The following ADGRA3 variants were observed in gnomAD, a reference collection of about 807,000 sequenced individuals.
ADGRA3 encodes G-protein coupled receptor 125.
A neutral mutation model predicts 119.8 loss-of-function variants in ADGRA3; 56 were observed. The observed-to-expected ratio is 0.47, with a 90% confidence interval of 0.38 to 0.58. The LOEUF is 0.58. ADGRA3 is among the 20% of genes least tolerant of loss of function. ADGRA3 has a pLI of 0.00. For synonymous variants in ADGRA3, 607 were observed against 623.8 expected (o/e 0.97, Z 0.40); for missense variants, 1,516 against 1,649.0 (o/e 0.92, Z 1.40).
At chr4:22,475,643 C>A (rs1437445285) in intron 1 of ADGRA3, among the ~76,000 whole-genome samples, 1 of 151,834 alleles carries the variant, frequency 6.6e-6, no homozygotes, top group Non-Finnish European at 1.5e-5. Context: ...AGGAGAATGG[C>A]GTGAACCCAG....
At chr4:22,469,244 T>C (rs562018710) in intron 2 of ADGRA3, among the ~76,000 whole-genome samples, 62 of 152,272 alleles carry the variant, frequency 4.1e-4, no homozygotes, top group Non-Finnish European at 7.8e-4. Flanking sequence ...TTGGTTTTGC[T>C]CCATGGCACT....
chr4:22,431,515 G>T (rs1484479676), intron 10 of ADGRA3, among the ~76,000 whole-genome samples: 1 of 152,190 alleles, frequency 6.6e-6, no homozygotes, highest in Non-Finnish European at 1.5e-5. Flanking sequence ...CTCCGCTGTT[G>T]TGTGAATAAG....
At chr4:22,444,779 A>C (rs1716765518) in intron 6 of ADGRA3, among the ~76,000 whole-genome samples, 194 bp downstream of exon 6, 1 of 151,646 alleles carries the variant, frequency 6.6e-6, no homozygotes, top group Non-Finnish European at 1.5e-5. Flanking sequence ...CTTAAAGACA[A>C]CTGAAAAAAA....
At chr4:22,513,020 G>A (rs755815443) in intron 1 of ADGRA3, among the ~76,000 whole-genome samples, 18 of 152,150 alleles carry the variant, frequency 1.2e-4, no homozygotes, top group Non-Finnish European at 2.4e-4. Flanking sequence ...ATTCTGGTGA[G>A]CAAGTCCCTT....
At chr4:22,490,536 T>C (rs1009528971) in intron 1 of ADGRA3, among the ~76,000 whole-genome samples, 4 of 152,174 alleles carry the variant, frequency 2.6e-5, no homozygotes, top group Non-Finnish European at 4.4e-5. Context: ...TGAGCAACTA[T>C]TGTGTCCTGG....
chr4:22,389,706 C>A (rs1441682879), intron 17 of ADGRA3, among the ~76,000 whole-genome samples: 1 of 152,100 alleles, frequency 6.6e-6, no homozygotes, highest in Non-Finnish European at 1.5e-5. Context: ...TGGATCCCAG[C>A]AGCTTCACAG....
At chr4:22,430,194 T>C (rs968157539) in intron 10 of ADGRA3, among the ~76,000 whole-genome samples, 9 of 152,140 alleles carry the variant, frequency 5.9e-5, no homozygotes, top group African/African-American at 1.7e-4. Flanking sequence ...ATGTCTTTAT[T>C]AGTAGCATGA....
At chr4:22,481,594 T>C (rs957814660) in intron 1 of ADGRA3, among the ~76,000 whole-genome samples, 6 of 152,342 alleles carry the variant, frequency 3.9e-5, no homozygotes, top group Non-Finnish European at 8.8e-5. Context: ...CTGCTTTTTA[T>C]TTTTATTTGT....
intron 10 of ADGRA3, among the ~76,000 whole-genome samples, chr4:22,426,004 T>C (rs1715917132): frequency 6.6e-6 from 1 of 152,226 alleles, no homozygotes; most frequent in Non-Finnish European, 1.5e-5. Flanking sequence ...GTCCTGTCTT[T>C]CTGAATGTTG....
chr4:22,431,927 T>A (rs1228705150), intron 10 of ADGRA3, among the ~76,000 whole-genome samples: 1 of 152,168 alleles, frequency 6.6e-6, no homozygotes, highest in African/African-American at 2.4e-5. Context: ...TTTACTTACA[T>A]CAATTAGCAT....
At chr4:22,492,722 T>C (rs1314317197) in intron 1 of ADGRA3, among the ~76,000 whole-genome samples, 1 of 152,202 alleles carries the variant, frequency 6.6e-6, no homozygotes, top group Non-Finnish European at 1.5e-5. Flanking sequence ...GATGGCTTTT[T>C]TCTAAATGAT....
At chr4:22,481,099 A>C (rs555682533) in intron 1 of ADGRA3, among the ~76,000 whole-genome samples, 3 of 152,288 alleles carry the variant, frequency 2.0e-5, no homozygotes, top group Admixed American at 2.0e-4. Flanking sequence ...AAATTGTACT[A>C]ATGTAAATTG....
At chr4:22,395,851 TA>T (rs1456498462) in intron 16 of ADGRA3, among the ~76,000 whole-genome samples, 7 of 152,166 alleles carry the variant, frequency 4.6e-5, no homozygotes, top group Non-Finnish European at 1.0e-4. Context: ...ACATGCACAG[TA>T]GTTGACAAGT....
intron 1 of ADGRA3, among the ~76,000 whole-genome samples, chr4:22,490,516 A>G (rs1254126425): frequency 6.6e-6 from 1 of 152,134 alleles, no homozygotes; most frequent in African/African-American, 2.4e-5. Context: ...TCATTATTTC[A>G]GAATATATTT....
chr4:22,454,333 G>A (rs1241478539), intron 4 of ADGRA3, among the ~76,000 whole-genome samples: 8 of 152,060 alleles, frequency 5.3e-5, no homozygotes, highest in Admixed American at 4.6e-4. Flanking sequence ...ACGAAAAACA[G>A]AAAAGTTCAG....
In ADGRA3 at chr4:22,413,242, A is replaced by G; in HGVS notation, c.2172T>C (p.Tyr724=). 6.2e-7 allele frequency: 1 copy of G among 1,614,120 alleles called. No homozygotes were observed. The highest frequency in any genetic ancestry group is 2.2e-5 in the East Asian group (1 of 44,874). The change falls in exon 14 of 19, where the codon TAT becomes TAC. Residue 724 remains tyrosine (Y), a synonymous_variant. Transcript: ENST00000334304. ...GAATCGTAGTGATATTTTCATCTGA[A>G]TAGAGTATATGGCACCCATCTGACT... ...GWKSDGCHIL[Y]SDENITTIQC... is the part of the protein sequence containing the mutation.
At chr4:22,478,221 T>C in intron 1 of ADGRA3, 1 of 152,206 alleles carries the variant, frequency 6.6e-6, no homozygotes, top group East Asian at 1.9e-4. Flanking sequence ...TTTAGTTTGG[T>C]ACATCGCTTA....
intron 16 of ADGRA3, among the ~76,000 whole-genome samples, chr4:22,397,175 C>CTTTTTTTTTTTT: frequency 1.1e-5 from 1 of 93,234 alleles, no homozygotes; most frequent in East Asian, 3.1e-4. Flanking sequence ...TACTGTAATT[C>CTTTTTTTTTTTT]TTTTTTTTTT....
At chr4:22,515,486 G>A (rs1719622582) in intron 1 of ADGRA3, 42 bp downstream of exon 1, 3 of 1,583,810 alleles carry the variant, frequency 1.9e-6, no homozygotes, top group South Asian at 2.2e-5. Context: ...AGATAAGAAA[G>A]AGCCGAGCGG....
Sources: allele counts gnomAD v4.1 joint callset (sites outside exome capture counted in the v4.1 genomes callset), GRCh38; gene constraint gnomAD v4.1.1; transcripts MANE v1.5; gene names NCBI Gene and HGNC (gene_info 2026-07-23, HGNC 2026-07-21).